Variants in HTRA3 observed in about 807,000 individuals in gnomAD.
HTRA3 encodes HtrA serine peptidase 3.
Under a neutral mutation model 43.2 loss-of-function variants are expected in HTRA3, and 41 were observed. The ratio of observed to expected loss-of-function variants is 0.95; its 90% CI spans 0.74 to 1.23. The LOEUF (loss-of-function observed/expected upper bound fraction) is 1.23. Ranked by LOEUF, HTRA3 falls within the 50% of genes most tolerant of loss-of-function variation. The pLI, the probability that HTRA3 is intolerant of heterozygous loss-of-function variation, is 0.00. For missense variants in HTRA3, 628 were observed against 647.1 expected (o/e 0.97, Z 0.32); for synonymous variants, 295 against 287.9 (o/e 1.02, Z -0.25).
In HTRA3 at chr4:8,306,435, C is replaced by A. The variant is rs1184371180; in HGVS notation, c.*299C>A. 1.3e-5 allele frequency: 4 copies of A among 303,216 alleles called. No individual in the cohort carries two copies. The highest frequency in any genetic ancestry group is 4.6e-5 in the Admixed American group (1 of 21,720). 18.8% of individuals were successfully genotyped at this position (303,216 alleles called of 1,614,324 possible). A position where few individuals can be genotyped will look rare whatever the true frequency, so the allele number is the denominator to read the frequency against. ...AACTGCCTTCCATGGAGGTCCCCTC[C>A]TCTCCTAGCTTCCCGCCTCTGCCCC... On this transcript the variant is annotated 3_prime_UTR_variant, in exon 9 of 9. Coordinates refer to ENST00000307358, the MANE Select transcript of HTRA3 (RefSeq NM_053044.5). This position sits in a 1 kb window ranked among gnomAD's most constrained non-coding sequence, Gnocchi z 8.9.
chr4:8,284,808 C>T (rs749510915), intron 2 of HTRA3, among the ~76,000 whole-genome samples: 18 of 152,196 alleles, frequency 1.2e-4, no homozygotes, highest in Non-Finnish European at 4.4e-5. Context: ...AGTAGTTCAG[C>T]GTCTCGGGAC....
Position 8,286,894 on chromosome 4 carries a change from G to A in HTRA3, c.708+111G>A. Reference sequence around the variant, plus strand: ...AGCCCCACCTTCCATCAGCCAGGGGGAGGAAACTGGGCCCAGGGAGGACTG... The same window carrying A: ...AGCCCCACCTTCCATCAGCCAGGGGAAGGAAACTGGGCCCAGGGAGGACTG... On this transcript the variant is annotated intron_variant, in intron 3 of 8. Transcript: ENST00000307358. The surrounding 1 kb of genome is among the most constrained non-coding windows in gnomAD (Gnocchi z 4.9). The A allele has an allele frequency of 2.5e-6, 2 of 788,658 alleles. No homozygotes were observed. Among genetic ancestry groups the A allele is most frequent in the East Asian group, 2.7e-5 (1 of 37,202 alleles). 48.9% of individuals were successfully genotyped at this position (788,658 alleles called of 1,614,324 possible). A position where few individuals can be genotyped will look rare whatever the true frequency, so the allele number is the denominator to read the frequency against.
At chr4:8,301,233 T>C (rs1472676632) in intron 6 of HTRA3, among the ~76,000 whole-genome samples, 1 of 145,860 alleles carries the variant, frequency 6.9e-6, no homozygotes, top group Non-Finnish European at 1.5e-5. Flanking sequence ...CAGACATCTT[T>C]ATTATTGATT....
chr4:8,280,916 A>G (rs1712718823), intron 1 of HTRA3, among the ~76,000 whole-genome samples: 1 of 152,174 alleles, frequency 6.6e-6, no homozygotes, highest in Admixed American at 6.5e-5. Flanking sequence ...CTCAGGCTAA[A>G]GGGCTCTTCA....
At chr4:8,275,928 C>T (rs764879378) in intron 1 of HTRA3, among the ~76,000 whole-genome samples, 2 of 152,212 alleles carry the variant, frequency 1.3e-5, no homozygotes, top group South Asian at 2.1e-4. Context: ...CCTAGCAGCT[C>T]GAAGTGTCTG....
intron 2 of HTRA3, among the ~76,000 whole-genome samples, chr4:8,283,013 C>T (rs1324813576): frequency 6.6e-6 from 1 of 152,128 alleles, no homozygotes; most frequent in Non-Finnish European, 1.5e-5. Context: ...ACCCCGGGAG[C>T]TGGGCCAGTG....
At chr4:8,291,343 T>G (rs1713230418) in intron 3 of HTRA3, 27 bp from the exon 4 acceptor site, 3 of 1,603,052 alleles carry the variant, frequency 1.9e-6, no homozygotes, top group Non-Finnish European at 2.6e-6. Flanking sequence ...AGCCTCCCTC[T>G]CTGTGTCTTC....
At chr4:8,272,041 G>T (rs1179412433) in intron 1 of HTRA3, among the ~76,000 whole-genome samples, 1 of 152,204 alleles carries the variant, frequency 6.6e-6, no homozygotes, top group African/African-American at 2.4e-5. Flanking sequence ...TGGTGCTGGG[G>T]TACCTTTCCT....
At chr4:8,275,552 A>T (rs922166225) in intron 1 of HTRA3, among the ~76,000 whole-genome samples, 10 of 152,200 alleles carry the variant, frequency 6.6e-5, no homozygotes, top group African/African-American at 2.4e-4. Context: ...GGGCTAGATC[A>T]GGAGGGCTTT....
At chr4:8,270,425 C>T in intron 1 of HTRA3, 72 bp downstream of exon 1, 1 of 1,345,920 alleles carries the variant, frequency 7.4e-7, no homozygotes. Context: ...GAGTTAGGGC[C>T]GAGCTCGAGG....
chr4:8,279,770 C>T lies in HTRA3; in HGVS notation c.386-2667C>T, dbSNP rs1490135518. On this transcript the variant is annotated intron_variant, in intron 1 of 8. Coordinates refer to ENST00000307358, the MANE Select transcript of HTRA3 (RefSeq NM_053044.5). The surrounding 1 kb of genome is among the most constrained non-coding windows in gnomAD (Gnocchi z 7.4). ...CCTGTGGCTTTCCATGTGCTGTGCC[C>T]CTGCCCGTGGGCTCTTCCAGGCCTG... 1.3e-5 allele frequency among the ~76,000 whole-genome samples: 2 copies of T among 152,172 alleles called. No individual in the cohort carries two copies. The highest frequency in any genetic ancestry group is 6.5e-5 in the Admixed American group (1 of 15,280).
chr4:8,274,747 A>G (rs1271341544), intron 1 of HTRA3, among the ~76,000 whole-genome samples: 2 of 152,236 alleles, frequency 1.3e-5, no homozygotes, highest in Non-Finnish European at 2.9e-5. Context: ...GCGCGTAACC[A>G]GAGCTCTGAG....
chr4:8,298,099 C>G (rs145748186), intron 6 of HTRA3, among the ~76,000 whole-genome samples: 232 of 152,356 alleles, frequency 1.5e-3, no homozygotes, highest in African/African-American at 5.3e-3. Flanking sequence ...CTGCCCTGGA[C>G]CGTTACCTCT....
chr4:8,277,147 C>A (rs1712561558), intron 1 of HTRA3, among the ~76,000 whole-genome samples: 1 of 152,136 alleles, frequency 6.6e-6, no homozygotes, highest in African/African-American at 2.4e-5. Flanking sequence ...CCACGGGGAG[C>A]CACAGCTGGA....
Position 8,306,592 on chromosome 4 carries a change from A to G in HTRA3, c.*456A>G, listed in dbSNP as rs1713858890. The stretch of plus-strand genomic sequence containing the variant: ...GCTTCCCTCTGCCCTAGGACTTACC[A>G]AGCTGTAGGGCCAGGGCTGCTGCCT... On this transcript the variant is annotated 3_prime_UTR_variant, in exon 9 of 9. Coordinates refer to ENST00000307358, the MANE Select transcript of HTRA3 (RefSeq NM_053044.5). The surrounding 1 kb of genome is among the most constrained non-coding windows in gnomAD (Gnocchi z 8.9). 1 of 162,008 alleles carries G rather than the reference A, an allele frequency of 6.2e-6. No individual in the cohort carries two copies. The highest frequency in any genetic ancestry group is 1.4e-5 in the Non-Finnish European group (1 of 73,376). 10.0% of individuals were successfully genotyped at this position (162,008 alleles called of 1,614,324 possible).
chr4:8,295,128 CA>C lies in HTRA3; in HGVS notation c.1051+928del, dbSNP rs1302362493. ...CCTTCCACCCATCCACCCACCCACT[CA>C]TTCACCTGTCTACCTATCCACCCAT... On this transcript the variant is annotated intron_variant, in intron 6 of 8. Coordinates refer to ENST00000307358, the MANE Select transcript of HTRA3 (RefSeq NM_053044.5). This position sits in a 1 kb window ranked among gnomAD's most constrained non-coding sequence, Gnocchi z 6.9. Among the ~76,000 whole-genome samples, 3 of 152,056 alleles carry C rather than the reference CA, an allele frequency of 2.0e-5. No homozygotes were observed. Among genetic ancestry groups the C allele is most frequent in the Admixed American group, 2.0e-4 (3 of 15,274 alleles).
intron 1 of HTRA3, 150 bp downstream of exon 1, chr4:8,270,503 A>G (rs1440756006): frequency 4.3e-6 from 4 of 927,300 alleles, no homozygotes; most frequent in African/African-American, 3.5e-5. Flanking sequence ...GGTCTTTCAG[A>G]TGAAGAAACT....
At position 8,270,034 on chromosome 4, in the gene HTRA3, G is replaced by T; in HGVS notation, c.66G>T (p.Ala22=). 1 of 1,374,142 alleles carries T rather than the reference G, an allele frequency of 7.3e-7. No homozygotes were observed. The highest frequency in any genetic ancestry group is 9.4e-7 in the Non-Finnish European group (1 of 1,068,840). The allele number at this position is 1,374,142 out of a possible 1,614,324, so 85.1% of individuals were successfully genotyped here. A position where few individuals can be genotyped will look rare whatever the true frequency, so the allele number is the denominator to read the frequency against. Residue 22 remains alanine (A), a synonymous_variant, in exon 1 of 9, where the codon GCG becomes GCT. Coordinates refer to ENST00000307358, the MANE Select transcript of HTRA3 (RefSeq NM_053044.5). ...TGGCGCTGGCCCGGGAGCCCCCTGC[G>T]GCGCCGTGTCCCGCGCGCTGCGACG... ...AALALAREPP[A]APCPARCDVS...
rs965387665 is a variant in HTRA3 at position 8,293,197 on chromosome 4, G to C, written c.936+844G>C. ...CCCTATGTGCCCAAGATGTCTCCCA[G>C]GCTTTTGGCAGGGCTGAGGCCGTGC... On this transcript the variant is annotated intron_variant, in intron 5 of 8. Coordinates refer to ENST00000307358, the MANE Select transcript of HTRA3 (RefSeq NM_053044.5). Among the ~76,000 whole-genome samples the C allele has an allele frequency of 4.6e-5, 7 of 152,342 alleles. No individual in the cohort carries two copies. The South Asian group carries it at 1.4e-3, about 32-fold the overall frequency.
Sources: allele counts gnomAD v4.1 joint callset (sites outside exome capture counted in the v4.1 genomes callset), GRCh38; gene constraint gnomAD v4.1.1; non-coding constraint Gnocchi (gnomAD v3.1); transcripts MANE v1.5; gene names NCBI Gene and HGNC (gene_info 2026-07-23, HGNC 2026-07-21).